The following RIMBP2 variants were observed in gnomAD, a reference collection of about 807,000 sequenced individuals.
RIMBP2 encodes the protein RIMS binding protein 2.
A neutral mutation model predicts 118.6 loss-of-function variants in RIMBP2; 48 were observed. The observed-to-expected ratio is 0.40, with a 90% confidence interval of 0.32 to 0.51. The LOEUF is 0.51. Among genes scored for constraint, RIMBP2 ranks in the 20% least tolerant of loss-of-function variants. The pLI, the probability that RIMBP2 is intolerant of heterozygous loss-of-function variation, is 0.41. For missense variants in RIMBP2, 1,551 were observed against 1,768.3 expected (o/e 0.88, Z 2.20); for synonymous variants, 762 against 742.9 (o/e 1.03, Z -0.42).
chr12:130,649,981 A>C (rs1368589621), intron 1 of RIMBP2, among the ~76,000 whole-genome samples: 1 of 151,966 alleles, frequency 6.6e-6, no homozygotes, highest in Non-Finnish European at 1.5e-5. Context: ...AACAAGCGGT[A>C]CGAGACTCTC....
intron 10 of RIMBP2, among the ~76,000 whole-genome samples, 160 bp downstream of exon 10, chr12:130,445,000 G>A (rs913551398): frequency 2.6e-5 from 4 of 152,162 alleles, no homozygotes; most frequent in Admixed American, 1.3e-4. Context: ...GTCAAAGAGG[G>A]CAAACCTGGT....
intron 4 of RIMBP2, among the ~76,000 whole-genome samples, chr12:130,491,926 C>T (rs2048684043): frequency 6.6e-6 from 1 of 152,212 alleles, no homozygotes; most frequent in African/African-American, 2.4e-5. Context: ...CTACAAATGT[C>T]AGGGTGCCGC....
intron 6 of RIMBP2, 107 bp from the exon 7 acceptor site, chr12:130,456,807 CGT>C (rs1268255364): frequency 2.7e-5 from 21 of 776,362 alleles, no homozygotes; most frequent in Non-Finnish European, 3.9e-5. Context: ...ACTGTGTGCA[CGT>C]GTGTACACAC....
intron 1 of RIMBP2, among the ~76,000 whole-genome samples, chr12:130,636,012 C>T (rs1267580167): frequency 6.6e-6 from 1 of 152,174 alleles, no homozygotes; most frequent in Non-Finnish European, 1.5e-5. Flanking sequence ...GGTTACCATG[C>T]CACTCGTGAC....
chr12:130,466,518 T>C (rs964451734), intron 6 of RIMBP2, among the ~76,000 whole-genome samples: 3 of 152,130 alleles, frequency 2.0e-5, no homozygotes, highest in African/African-American at 7.2e-5. Context: ...GTTGTGTATG[T>C]GGGGACCGTG....
chr12:130,550,993 G>T (rs2055718875), intron 2 of RIMBP2, among the ~76,000 whole-genome samples: 1 of 152,244 alleles, frequency 6.6e-6, no homozygotes, highest in Non-Finnish European at 1.5e-5. Context: ...GTGACATGAT[G>T]TGTGGCACCA....
chr12:130,682,702 C>T (rs2064853585), intron 1 of RIMBP2, among the ~76,000 whole-genome samples: 1 of 152,228 alleles, frequency 6.6e-6, no homozygotes, highest in South Asian at 2.1e-4. Context: ...TGACACTGAG[C>T]TGTGAGGGAC....
chr12:130,582,383 A>T (rs2058538308), intron 2 of RIMBP2, among the ~76,000 whole-genome samples: 1 of 152,212 alleles, frequency 6.6e-6, no homozygotes, highest in African/African-American at 2.4e-5. Context: ...GAGAAGTCAG[A>T]CTGTTTGCCT....
At chr12:130,492,636 C>T (rs553956452) in intron 4 of RIMBP2, among the ~76,000 whole-genome samples, 70 of 152,318 alleles carry the variant, frequency 4.6e-4, no homozygotes, top group South Asian at 1.0e-3. Context: ...GCTGTGAGCC[C>T]GGGATTTTGG....
chr12:130,714,269 A>G (rs1950171915), intron 1 of RIMBP2, among the ~76,000 whole-genome samples: 1 of 152,134 alleles, frequency 6.6e-6, no homozygotes, highest in Non-Finnish European at 1.5e-5. Context: ...TGAAACTGAA[A>G]GCTACAGTGT....
At chr12:130,501,581 C>T (rs1432004134) in intron 4 of RIMBP2, among the ~76,000 whole-genome samples, 1 of 152,190 alleles carries the variant, frequency 6.6e-6, no homozygotes, top group Non-Finnish European at 1.5e-5. Flanking sequence ...GTCAGTGACC[C>T]AGCCATCCAG....
chr12:130,614,050 C>T (rs2060742700), intron 2 of RIMBP2, among the ~76,000 whole-genome samples: 1 of 152,158 alleles, frequency 6.6e-6, no homozygotes, highest in Admixed American at 6.5e-5. Context: ...GCAGTGTTAG[C>T]AGGTTCTATT....
chr12:130,449,120 A>G (rs2078781444), intron 9 of RIMBP2, among the ~76,000 whole-genome samples: 1 of 152,238 alleles, frequency 6.6e-6, no homozygotes, highest in African/African-American at 2.4e-5. Context: ...AAATACTGTC[A>G]GGTCAGCCTC....
intron 3 of RIMBP2, among the ~76,000 whole-genome samples, chr12:130,516,955 G>A (rs553326841): frequency 1.3e-5 from 2 of 152,170 alleles, no homozygotes; most frequent in East Asian, 3.9e-4. Flanking sequence ...GTGGAGAGGA[G>A]GGGGAGGAGA....
intron 7 of RIMBP2, among the ~76,000 whole-genome samples, chr12:130,452,735 G>A (rs551526246): frequency 2.4e-4 from 36 of 152,316 alleles, no homozygotes; most frequent in African/African-American, 5.3e-4. Context: ...GTCCTCCAGC[G>A]TTCCGAGACC....
intron 4 of RIMBP2, among the ~76,000 whole-genome samples, chr12:130,487,340 T>A (rs2082575251): frequency 6.6e-6 from 1 of 152,156 alleles, no homozygotes; most frequent in South Asian, 2.1e-4. Context: ...ATAGCCCTCA[T>A]GAATAGCTTG....
In RIMBP2 at chr12:130,620,572, A is replaced by G. The variant is rs1445598465; in HGVS notation, c.-217+7750T>C. 2.0e-5 allele frequency among the ~76,000 whole-genome samples: 3 copies of G among 152,144 alleles called. No individual in the cohort carries two copies. Among genetic ancestry groups the G allele is most frequent in the Non-Finnish European group, 4.4e-5 (3 of 68,026 alleles). Reference sequence around the variant, plus strand: ...AGATGCCCAAGCTCGGGGTGTCGGCAGGGCTGCTCCTCAGGTCACAGGCAG... The same window carrying G: ...AGATGCCCAAGCTCGGGGTGTCGGCGGGGCTGCTCCTCAGGTCACAGGCAG... On this transcript the variant is annotated intron_variant, in intron 2 of 22. Transcript: ENST00000690449. This position sits in a 1 kb window ranked among gnomAD's most constrained non-coding sequence, Gnocchi z 5.3.
At chr12:130,436,107 G>T (rs2077490902) in intron 13 of RIMBP2, among the ~76,000 whole-genome samples, 1 of 152,204 alleles carries the variant, frequency 6.6e-6, no homozygotes, top group East Asian at 1.9e-4. Context: ...TCTGGGTGGG[G>T]ATGCGGGCAC....
intron 5 of RIMBP2, 75 bp downstream of exon 5, chr12:130,478,837 C>G (rs909279996): frequency 9.0e-7 from 1 of 1,109,240 alleles, no homozygotes; most frequent in African/African-American, 1.5e-5. Flanking sequence ...GTCGGCCGCT[C>G]CACCACACCA....
Sources: allele counts gnomAD v4.1 joint callset (sites outside exome capture counted in the v4.1 genomes callset), GRCh38; gene constraint gnomAD v4.1.1; non-coding constraint Gnocchi (gnomAD v3.1); transcripts MANE v1.5; gene names NCBI Gene and HGNC (gene_info 2026-07-23, HGNC 2026-07-21).